The following CACNA1B variants were observed in gnomAD, a reference collection of about 807,000 sequenced individuals.
CACNA1B encodes the protein calcium voltage-gated channel subunit alpha1 B.
CACNA1B carries 70 observed loss-of-function variants against 247.2 expected under a neutral mutation model. The ratio of observed to expected loss-of-function variants is 0.28; its 90% CI spans 0.23 to 0.35. CACNA1B has a LOEUF of 0.35. Among genes scored for constraint, CACNA1B ranks in the 10% least tolerant of loss-of-function variants. CACNA1B has a pLI of 1.00. For synonymous variants in CACNA1B, 1,231 were observed against 1,294.4 expected, an observed-to-expected ratio of 0.95 and a Z score of 1.05; for missense variants, 2,367 against 3,197.4, an observed-to-expected ratio of 0.74 and a Z score of 6.26.
chr9:137,965,447 G>A (rs1330978634), intron 10 of CACNA1B, among the ~76,000 whole-genome samples: 1 of 152,268 alleles, frequency 6.6e-6, no homozygotes, highest in Non-Finnish European at 1.5e-5. Flanking sequence ...TTGAGAGGCT[G>A]AGGCCAGAAG....
rs1396784560 is a variant in CACNA1B at position 138,052,214 on chromosome 9, G to A, written c.3807+26G>A. ...GTTAGAGCCTGGAGTTGGGGCTTGA[G>A]GGATGTGCTGTGTGTGTGTGCGTGT... On this transcript the variant is annotated intron_variant, in intron 25 of 46. Coordinates refer to ENST00000371372, the MANE Select transcript of CACNA1B (RefSeq NM_000718.4). The surrounding 1 kb of genome is among the most constrained non-coding windows in gnomAD (Gnocchi z 5.1). 7 of 1,365,560 alleles carry A rather than the reference G, an allele frequency of 5.1e-6. No homozygotes were observed. In the East Asian group the frequency reaches 1.6e-4, roughly 32 times the overall value. The allele number at this position is 1,365,560 out of a possible 1,614,324, so 84.6% of individuals were successfully genotyped here. A position where few individuals can be genotyped will look rare whatever the true frequency, so the allele number is the denominator to read the frequency against.
rs984582068 is a variant in CACNA1B, at chr9:137,957,435, G to A, written c.1244-163G>A. On this transcript the variant is annotated intron_variant, in intron 9 of 46. Coordinates refer to ENST00000371372, the MANE Select transcript of CACNA1B (RefSeq NM_000718.4). This position sits in a 1 kb window ranked among gnomAD's most constrained non-coding sequence, Gnocchi z 4.7. ...GTCCCTTCAGCTCTGGGGACTGGGA[G>A]GGACCCAAGGGGGCCCACAATCATC... 2.6e-5 allele frequency among the ~76,000 whole-genome samples: 4 copies of A among 152,176 alleles called. No individual in the cohort carries two copies. Among genetic ancestry groups the A allele is most frequent in the Admixed American group, 6.5e-5 (1 of 15,280 alleles).
chr9:137,975,299 C>T (rs1958206054), intron 11 of CACNA1B, among the ~76,000 whole-genome samples: 1 of 152,176 alleles, frequency 6.6e-6, no homozygotes, highest in South Asian at 2.1e-4. Flanking sequence ...CTCTTGGCAG[C>T]CTCGTGCTGG....
At chr9:138,002,146 A>G (rs1420185778) in intron 15 of CACNA1B, among the ~76,000 whole-genome samples, 1 of 152,200 alleles carries the variant, frequency 6.6e-6, no homozygotes, top group Non-Finnish European at 1.5e-5. Context: ...GGTAATGAAA[A>G]TAGTGTGGTA....
Position 138,124,050 on chromosome 9 carries a change from C to T in CACNA1B, c.*2051C>T, listed in dbSNP as rs1203586798. On this transcript the variant is annotated 3_prime_UTR_variant, in exon 47 of 47. Transcript: ENST00000371372. Reference sequence around the variant, plus strand: ...ACAGCCTAGCTGGCTTGTCTAGACTCTTCTAGGCATTGGAATTGATGAAAA... The same window carrying T: ...ACAGCCTAGCTGGCTTGTCTAGACTTTTCTAGGCATTGGAATTGATGAAAA... The T allele has an allele frequency of 6.6e-6, 1 of 152,178 alleles. No homozygotes were observed. The highest frequency in any genetic ancestry group is 1.5e-5 in the Non-Finnish European group (1 of 68,034). The allele number at this position is 152,178 out of a possible 1,614,324, so 9.4% of individuals were successfully genotyped here.
At chr9:138,032,767 A>G (rs1001513813) in intron 20 of CACNA1B, 4 of 443,700 alleles carry the variant, frequency 9.0e-6, no homozygotes, top group Admixed American at 5.1e-5. Context: ...TTTTCTTCCT[A>G]TAGGTAAGAT....
chr9:137,908,557 A>G (rs1363097283), intron 3 of CACNA1B, among the ~76,000 whole-genome samples: 1 of 152,176 alleles, frequency 6.6e-6, no homozygotes, highest in East Asian at 1.9e-4. Flanking sequence ...CCTTTAAGAT[A>G]TAACTTAACA....
In CACNA1B at chr9:138,102,674, C is replaced by T. The variant is rs757915028; in HGVS notation, c.5223-37C>T. ...TGCTGCCGCTCCTCCTGTGGACCAC[C>T]CCACTGTGCCCTGGCCTCGCTGGGA... On this transcript the variant is annotated intron_variant, in intron 37 of 46. Coordinates refer to ENST00000371372, the MANE Select transcript of CACNA1B (RefSeq NM_000718.4). The surrounding 1 kb of genome is among the most constrained non-coding windows in gnomAD (Gnocchi z 5.4). 1.5e-6 allele frequency: 2 copies of T among 1,347,756 alleles called. No individual in the cohort carries two copies. Among genetic ancestry groups the T allele is most frequent in the Admixed American group, 3.5e-5 (2 of 57,406 alleles). 83.5% of individuals were successfully genotyped at this position (1,347,756 alleles called of 1,614,324 possible). A position where few individuals can be genotyped will look rare whatever the true frequency, so the allele number is the denominator to read the frequency against.
chr9:138,032,605 T>C (rs746535578), intron 20 of CACNA1B: 25 of 441,670 alleles, frequency 5.7e-5, no homozygotes, highest in Admixed American at 2.5e-4. Flanking sequence ...TCTGAGAATG[T>C]CTTGATTTTC....
intron 15 of CACNA1B, among the ~76,000 whole-genome samples, chr9:137,991,610 A>G (rs1210163890): frequency 6.6e-6 from 1 of 152,232 alleles, no homozygotes; most frequent in Non-Finnish European, 1.5e-5. Context: ...TTGCAGAAGA[A>G]TTCATCACCT....
chr9:137,994,888 G>A (rs1958477812), intron 15 of CACNA1B, among the ~76,000 whole-genome samples: 1 of 152,130 alleles, frequency 6.6e-6, no homozygotes, highest in Non-Finnish European at 1.5e-5. Context: ...AACCAACAAA[G>A]AGCCTGCATA....
intron 16 of CACNA1B, among the ~76,000 whole-genome samples, chr9:138,009,646 C>A (rs906930143): frequency 3.2e-4 from 48 of 152,296 alleles, no homozygotes; most frequent in Non-Finnish European, 6.5e-4. Flanking sequence ...GCAGGCAGAC[C>A]ATGGGCCCTC....
In CACNA1B at chr9:138,121,271, T is replaced by C. The variant is rs1036718877; in HGVS notation, c.6490-198T>C. ...CACCTGCTCTCCCCAACCCCATTCC[T>C]GGGCCTGACCCTGACCATCGCCCTC... On this transcript the variant is annotated intron_variant, in intron 46 of 46. Transcript: ENST00000371372. This position sits in a 1 kb window ranked among gnomAD's most constrained non-coding sequence, Gnocchi z 6.8. Among the ~76,000 whole-genome samples, 16 of 152,024 alleles carry C rather than the reference T, an allele frequency of 1.1e-4. No homozygotes were observed. The highest frequency in any genetic ancestry group is 3.4e-4 in the African/African-American group (14 of 41,376).
At chr9:137,992,473 G>T (rs370431332) in intron 15 of CACNA1B, among the ~76,000 whole-genome samples, 1 of 151,974 alleles carries the variant, frequency 6.6e-6, no homozygotes. Flanking sequence ...TGATATAGAC[G>T]GCAACACAGT....
rs758910197 is a variant in CACNA1B, at chr9:137,955,806, C to A, written c.1179C>A (p.Phe393Leu). Residue 393 changes from phenylalanine to leucine, a missense_variant, in exon 8 of 47, where the codon TTC becomes TTA. This residue lies in a region of CACNA1B where 219 missense variants were observed against 297.6 expected (regional missense o/e 0.74). Coordinates refer to ENST00000371372, the MANE Select transcript of CACNA1B (RefSeq NM_000718.4). This position sits in a 1 kb window ranked among gnomAD's most constrained non-coding sequence, Gnocchi z 6.9. ...RELNGYLEWI[F>L]KAEEVMLAEE... Reference sequence around the variant, plus strand: ...TCAACGGGTACCTGGAGTGGATCTTCAAGGCGGGTGAGGGCCCGTGGGAGC... The same window carrying A: ...TCAACGGGTACCTGGAGTGGATCTTAAAGGCGGGTGAGGGCCCGTGGGAGC... 6.2e-7 allele frequency: 1 copy of A among 1,601,734 alleles called. No homozygotes were observed. The highest frequency in any genetic ancestry group is 8.5e-7 in the Non-Finnish European group (1 of 1,172,636).
chr9:137,967,413 C>G (rs551273430), intron 10 of CACNA1B, among the ~76,000 whole-genome samples: 1 of 152,304 alleles, frequency 6.6e-6, no homozygotes, highest in South Asian at 2.1e-4. Flanking sequence ...CCACAGGCTC[C>G]CCTATGCCCA....
chr9:138,070,662 T>A (rs1029672139), intron 32 of CACNA1B, among the ~76,000 whole-genome samples: 1 of 152,202 alleles, frequency 6.6e-6, no homozygotes, highest in African/African-American at 2.4e-5. Context: ...AAAATACCAT[T>A]TAATGCTGCA....
chr9:138,091,234 G>A (rs1960868071), intron 36 of CACNA1B, among the ~76,000 whole-genome samples: 1 of 152,170 alleles, frequency 6.6e-6, no homozygotes, highest in Non-Finnish European at 1.5e-5. Flanking sequence ...GCCGCTTGTG[G>A]CAACATGGAT....
Position 138,014,883 on chromosome 9 carries a change from C to T in CACNA1B, c.2267+1648C>T, listed in dbSNP as rs1052014322. 1.3e-5 allele frequency among the ~76,000 whole-genome samples: 2 copies of T among 152,176 alleles called. No homozygotes were observed. The highest frequency in any genetic ancestry group is 4.8e-5 in the African/African-American group (2 of 41,522). On this transcript the variant is annotated intron_variant, in intron 18 of 46. Transcript: ENST00000371372. The surrounding 1 kb of genome is among the most constrained non-coding windows in gnomAD (Gnocchi z 6.2). ...TGGCAGTCATGGAGCCTGAGTCAGG[C>T]TGCCTGAAAAGGAGGCTGGACACTC...
Sources: allele counts gnomAD v4.1 joint callset (sites outside exome capture counted in the v4.1 genomes callset), GRCh38; gene constraint gnomAD v4.1.1; regional missense constraint gnomAD v4.1.1; non-coding constraint Gnocchi (gnomAD v3.1); transcripts MANE v1.5; gene names NCBI Gene and HGNC (gene_info 2026-07-23, HGNC 2026-07-21).